The following PRR12 variants were observed in gnomAD, a reference collection of about 807,000 sequenced individuals.
PRR12 encodes proline rich 12.
A neutral mutation model predicts 138.0 loss-of-function variants in PRR12; 12 were observed. That is an observed-to-expected ratio of 0.09 (90% confidence interval 0.06 to 0.14). PRR12 has a LOEUF of 0.14. PRR12 is among the 10% of genes least tolerant of loss of function. The pLI, the probability that PRR12 is intolerant of heterozygous loss-of-function variation, is 1.00. For synonymous variants in PRR12, 1,567 were observed against 1,291.7 expected, an observed-to-expected ratio of 1.21 and a Z score of -4.57; for missense variants, 2,692 against 2,861.3, an observed-to-expected ratio of 0.94 and a Z score of 1.35.
rs755199682 is a variant in PRR12, at chr19:49,596,626, C to T, written c.2291C>T (p.Pro764Leu). The T allele has an allele frequency of 1.9e-6, 3 of 1,594,100 alleles. No homozygotes were observed. Among genetic ancestry groups the T allele is most frequent in the South Asian group, 2.2e-5 (2 of 88,890 alleles). The change falls in exon 4 of 14, where the codon CCT (proline) becomes CTT (leucine). Residue 764 changes from proline to leucine, a missense_variant. Coordinates refer to ENST00000418929, the MANE Select transcript of PRR12 (RefSeq NM_020719.3). This position sits in a 1 kb window ranked among gnomAD's most constrained non-coding sequence, Gnocchi z 5.6. ...CTGGGGGCCTTCTTGCAAAAGAGCC[C>T]TCCGCCCCCACCTCCCACGGCCCAG... ...KELGAFLQKSPPPPPPTAQST... is the reference protein window; with the variant it reads ...KELGAFLQKSLPPPPPTAQST...
intron 6 of PRR12, among the ~76,000 whole-genome samples, chr19:49,603,308 A>G (rs1008472043): frequency 2.0e-5 from 3 of 152,256 alleles, no homozygotes; most frequent in Non-Finnish European, 4.4e-5. Flanking sequence ...GGTGGCATGG[A>G]CGCCAAGGCC....
chr19:49,594,897 G>A lies in PRR12; in HGVS notation c.562G>A (p.Val188Met), dbSNP rs1022135369. 7.5e-6 allele frequency: 12 copies of A among 1,610,396 alleles called. No homozygotes were observed. The highest frequency in any genetic ancestry group is 2.2e-5 in the South Asian group (2 of 90,512). ...PANGLLSPHD[V>M]LHLKPSQAPT... ...TAACGGGCTCCTGTCCCCTCATGAC[G>A]TGCTGCACCTGAAGCCCTCGCAGGC... The change falls in exon 4 of 14, where the codon GTG becomes ATG. Residue 188 changes from valine to methionine, a missense_variant. Coordinates refer to ENST00000418929, the MANE Select transcript of PRR12 (RefSeq NM_020719.3). The surrounding 1 kb of genome is among the most constrained non-coding windows in gnomAD (Gnocchi z 5.6).
chr19:49,593,539 C>T (rs2080743830), intron 2 of PRR12, 100 bp downstream of exon 2: 5 of 627,036 alleles, frequency 8.0e-6, no homozygotes, highest in South Asian at 7.0e-5. Flanking sequence ...TTGGCCGTGG[C>T]CCGTGCCGTG....
In PRR12 at chr19:49,601,631, C is replaced by A. The variant is rs2080811154; in HGVS notation, c.4486C>A (p.Pro1496Thr). ...PPLVAPTPSSPPPPPLPPPPP... is the reference protein window; with the variant it reads ...PPLVAPTPSSTPPPPLPPPPP... Reference sequence around the variant, plus strand: ...GCTGGTGGCCCCCACGCCCAGCTCACCACCGCCACCGCCGCTGCCGCCGCC... The same window carrying A: ...GCTGGTGGCCCCCACGCCCAGCTCAACACCGCCACCGCCGCTGCCGCCGCC... Residue 1496 changes from proline to threonine, a missense_variant, in exon 6 of 14, where the codon CCA (proline) becomes ACA (threonine). Physicochemically the swap from Pro to Thr is conservative, Grantham distance 38. Coordinates refer to ENST00000418929, the MANE Select transcript of PRR12 (RefSeq NM_020719.3). 1.3e-6 allele frequency: 2 copies of A among 1,538,378 alleles called. No individual in the cohort carries two copies. Among genetic ancestry groups the A allele is most frequent in the African/African-American group, 2.7e-5 (2 of 72,790 alleles).
chr19:49,613,494 C>G (rs897279163), intron 6 of PRR12, among the ~76,000 whole-genome samples: 1 of 152,224 alleles, frequency 6.6e-6, no homozygotes, highest in African/African-American at 2.4e-5. Flanking sequence ...CAGTGTGACT[C>G]ACGTCCATCA....
Position 49,614,182 on chromosome 19 carries a change from C to T in PRR12, c.4774-351C>T, listed in dbSNP as rs752424859. On this transcript the variant is annotated intron_variant, in intron 6 of 13. Transcript: ENST00000418929. The surrounding 1 kb of genome is among the most constrained non-coding windows in gnomAD (Gnocchi z 5.0). ...CACAACAGGACGTCTTGCTCACAAC[C>T]GTACTCTCCTGTCCAGCACAGTAAA... 6.6e-6 allele frequency among the ~76,000 whole-genome samples: 1 copy of T among 152,164 alleles called. No homozygotes were observed. The highest frequency in any genetic ancestry group is 6.6e-5 in the Admixed American group (1 of 15,260).
At chr19:49,624,192 T>C (rs1395044437) in intron 11 of PRR12, among the ~76,000 whole-genome samples, 1 of 148,820 alleles carries the variant, frequency 6.7e-6, no homozygotes, top group East Asian at 2.0e-4. Context: ...AATTCTGGGA[T>C]AGGATAGGTG....
Position 49,625,658 on chromosome 19 carries a change from G to A in PRR12, c.*51G>A. 6.5e-7 allele frequency: 1 copy of A among 1,550,348 alleles called. No individual in the cohort carries two copies. Among genetic ancestry groups the A allele is most frequent in the Non-Finnish European group, 8.7e-7 (1 of 1,149,634 alleles). On this transcript the variant is annotated 3_prime_UTR_variant, in exon 14 of 14. Coordinates refer to ENST00000418929, the MANE Select transcript of PRR12 (RefSeq NM_020719.3). The surrounding 1 kb of genome is among the most constrained non-coding windows in gnomAD (Gnocchi z 5.5). ...GCCTCCTCCATGAACCGAGAATTGG[G>A]ACAGAACCGTGTCCTCAGGAGCTAA...
At chr19:49,601,147 G>A (rs2080807851) in intron 5 of PRR12, among the ~76,000 whole-genome samples, 1 of 152,206 alleles carries the variant, frequency 6.6e-6, no homozygotes, top group Non-Finnish European at 1.5e-5. Flanking sequence ...GGAGGATGAG[G>A]CCTTGGAGGA....
Position 49,624,885 on chromosome 19 carries a change from T to G in PRR12, c.5763T>G (p.Ser1921Arg). The G allele has an allele frequency of 1.2e-6, 2 of 1,610,638 alleles. No homozygotes were observed. The highest frequency in any genetic ancestry group is 1.7e-6 in the Non-Finnish European group (2 of 1,178,646). Residue 1921 changes from serine to arginine, a missense_variant, in exon 12 of 14, where the codon AGT becomes AGG. Ser to Arg is a moderately radical substitution (Grantham distance 110, BLOSUM62 -1). Around this residue, in one of 11 missense-constraint regions of PRR12, gnomAD observed 116 missense variants for 243.4 expected, o/e 0.48. Coordinates refer to ENST00000418929, the MANE Select transcript of PRR12 (RefSeq NM_020719.3). ...HTFPQLQVEQ[S>R]GEGSPEEGAV... ...TCCCACAGCTGCAAGTGGAGCAGAG[T>G]GGGGAGGGCTCTCCGGAAGAGGGGG...
rs761955652 is a variant in PRR12, at chr19:49,596,001, G to C, written c.1666G>C (p.Gly556Arg). ...GGWGPSSLGG[G>R]GEASPSHIIR... ...CTGGGGACCCAGCTCCCTGGGAGGC[G>C]GCGGTGAGGCCAGCCCATCTCACAT... The change falls in exon 4 of 14, where the codon GGC becomes CGC. Residue 556 changes from glycine (G) to arginine (R), a missense_variant. Transcript: ENST00000418929. The surrounding 1 kb of genome is among the most constrained non-coding windows in gnomAD (Gnocchi z 5.6). The C allele has an allele frequency of 6.2e-7, 1 of 1,600,842 alleles. No individual in the cohort carries two copies. Among genetic ancestry groups the C allele is most frequent in the African/African-American group, 1.3e-5 (1 of 74,918 alleles).
chr19:49,599,253 C>T lies in PRR12; in HGVS notation c.3679-19C>T, dbSNP rs1599789084. ...GCCCAGGCTACTGGGCCCTCACGGC[C>T]CGCCACTCCCATGTCTAGATCAAGC... On this transcript the variant is annotated intron_variant, in intron 4 of 13. Coordinates refer to ENST00000418929, the MANE Select transcript of PRR12 (RefSeq NM_020719.3). This position sits in a 1 kb window ranked among gnomAD's most constrained non-coding sequence, Gnocchi z 5.0. The T allele has an allele frequency of 6.5e-7, 1 of 1,545,706 alleles. No individual in the cohort carries two copies. Among genetic ancestry groups the T allele is most frequent in the East Asian group, 2.3e-5 (1 of 44,144 alleles).
Position 49,597,533 on chromosome 19 carries a change from T to C in PRR12, c.3198T>C (p.Ser1066=). 2 of 1,569,412 alleles carry C rather than the reference T, an allele frequency of 1.3e-6. No individual in the cohort carries two copies. The highest frequency in any genetic ancestry group is 1.7e-6 in the Non-Finnish European group (2 of 1,159,714). The stretch of plus-strand genomic sequence containing the variant: ...GCCTCACCTCGCCCATCTTCTGCTC[T>C]ACCAAGCCAAAGAAGCTGCTCAAGA... The part of the protein sequence containing the change: ...KGGLTSPIFC[S]TKPKKLLKTS... The change falls in exon 4 of 14, where the codon TCT becomes TCC. Residue 1066 remains serine (S), a synonymous_variant. Coordinates refer to ENST00000418929, the MANE Select transcript of PRR12 (RefSeq NM_020719.3). This position sits in a 1 kb window ranked among gnomAD's most constrained non-coding sequence, Gnocchi z 6.3.
Position 49,615,967 on chromosome 19 carries a change from C to G in PRR12, c.5245C>G (p.Arg1749Gly). Residue 1749 changes from arginine (R) to glycine (G), a missense_variant, in exon 9 of 14, where the codon CGT (arginine) becomes GGT (glycine). This residue lies in a region of PRR12 where 259 missense variants were observed against 265.1 expected (regional missense o/e 0.98). Transcript: ENST00000418929. Reference protein sequence around the residue: ...EKEKEKEKVTRGERPLRGERA... With the variant: ...EKEKEKEKVTGGERPLRGERA... ...GGAAAAGGAGAAGGAGAAGGTGACA[C>G]GTGGAGAGCGGCCATTGCGGGGTGA... 6.4e-7 allele frequency: 1 copy of G among 1,552,882 alleles called. No individual in the cohort carries two copies. The highest frequency in any genetic ancestry group is 8.7e-7 in the Non-Finnish European group (1 of 1,147,660).
Position 49,616,196 on chromosome 19 carries a change from C to T in PRR12, c.5474C>T (p.Ser1825Phe), listed in dbSNP as rs1051418087. The T allele has an allele frequency of 2.6e-6, 4 of 1,541,530 alleles. No homozygotes were observed. Among genetic ancestry groups the T allele is most frequent in the Non-Finnish European group, 3.5e-6 (4 of 1,142,734 alleles). Residue 1825 changes from serine to phenylalanine, a missense_variant, in exon 9 of 14, where the codon TCC (serine) becomes TTC (phenylalanine). This residue lies in a region of PRR12 where 259 missense variants were observed against 265.1 expected (regional missense o/e 0.98). Coordinates refer to ENST00000418929, the MANE Select transcript of PRR12 (RefSeq NM_020719.3). The surrounding 1 kb of genome is among the most constrained non-coding windows in gnomAD (Gnocchi z 4.2). ...GGCAGCTCCTCGGACTCGGAGTCCT[C>T]CCCTGGAGCCCCCAGCGAGGACGGT... ...PPGSSSDSES[S>F]PGAPSEDERA...
rs1449698088 is a variant in PRR12, at chr19:49,591,749, C to G, written c.86+9C>G. ...AGGTCAGCGAAAGCTAGGTAAGGAG[C>G]TGAGGGTGGCCTAGAGAAGGGGGCC... is the stretch of plus-strand genomic sequence containing the variant. On this transcript the variant is annotated intron_variant, in intron 1 of 13. Coordinates refer to ENST00000418929, the MANE Select transcript of PRR12 (RefSeq NM_020719.3). 1.4e-6 allele frequency: 2 copies of G among 1,466,488 alleles called. No homozygotes were observed. Among genetic ancestry groups the G allele is most frequent in the Non-Finnish European group, 1.8e-6 (2 of 1,103,028 alleles). The allele number at this position is 1,466,488 out of a possible 1,614,324, so 90.8% of individuals were successfully genotyped here.
intron 6 of PRR12, among the ~76,000 whole-genome samples, chr19:49,612,887 C>T (rs2080873748): frequency 6.6e-6 from 1 of 151,766 alleles, no homozygotes; most frequent in Non-Finnish European, 1.5e-5. Flanking sequence ...TGGTCTCAAA[C>T]TCCCGACCTC....
At position 49,625,744 on chromosome 19, in the gene PRR12, C is replaced by A. The variant is rs2080951757; in HGVS notation, c.*137C>A. 7.6e-6 allele frequency: 9 copies of A among 1,188,160 alleles called. No individual in the cohort carries two copies. The highest frequency in any genetic ancestry group is 5.5e-4 in the Middle Eastern group (2 of 3,636). 73.6% of individuals were successfully genotyped at this position (1,188,160 alleles called of 1,614,324 possible). ...GGTCAGGGTGTGTCTGTGCTGCCCC[C>A]TCCAGGGCAGGGTTCAAAGTCCGAC... is the stretch of plus-strand genomic sequence containing the variant. On this transcript the variant is annotated 3_prime_UTR_variant, in exon 14 of 14. Coordinates refer to ENST00000418929, the MANE Select transcript of PRR12 (RefSeq NM_020719.3). This position sits in a 1 kb window ranked among gnomAD's most constrained non-coding sequence, Gnocchi z 5.5.
intron 9 of PRR12, among the ~76,000 whole-genome samples, chr19:49,619,864 T>TTTTTTTG (rs2080912889): frequency 7.3e-6 from 1 of 136,608 alleles, no homozygotes; most frequent in African/African-American, 2.9e-5. Context: ...TTTTTTTTTT[T>TTTTTTTG]TTTTTTTTTT....
Sources: allele counts gnomAD v4.1 joint callset (sites outside exome capture counted in the v4.1 genomes callset), GRCh38; gene constraint gnomAD v4.1.1; regional missense constraint gnomAD v4.1.1; non-coding constraint Gnocchi (gnomAD v3.1); transcripts MANE v1.5; gene names NCBI Gene and HGNC (gene_info 2026-07-23, HGNC 2026-07-21).